The following COL4A6 variants were observed in gnomAD, a reference collection of about 807,000 sequenced individuals.
The protein encoded by COL4A6 is collagen type IV alpha 6 chain.
COL4A6 carries 59 observed loss-of-function variants against 126.7 expected under a neutral mutation model. That is an observed-to-expected ratio of 0.47 (90% CI 0.38 to 0.58). The LOEUF is 0.58. COL4A6 is among the 20% of genes least tolerant of loss of function. The pLI is 0.00. For synonymous variants in COL4A6, 547 were observed against 496.6 expected, an observed-to-expected ratio of 1.10 and a Z score of -1.35; for missense variants, 1,285 against 1,337.3, an observed-to-expected ratio of 0.96 and a Z score of 0.61.
At chrX:108,387,815 C>T (rs2040736979) in intron 2 of COL4A6, among the ~76,000 whole-genome samples, 1 of 111,891 alleles carries the variant, frequency 8.9e-6, no homozygotes. Flanking sequence ...GCAATGCTTC[C>T]AGTTTTTGCC....
intron 23 of COL4A6, 146 bp downstream of exon 23, chrX:108,186,950 T>G (rs1486879093): frequency 6.4e-6 from 3 of 468,676 alleles, no homozygotes; most frequent in Non-Finnish European, 1.0e-5. Context: ...AATACTTTTT[T>G]TCACATGCAA....
chrX:108,179,383 T>TCCAGGGAGC lies in COL4A6; in HGVS notation c.2178_2186dup (p.Leu727_Gly729dup), dbSNP rs1293863192. On this transcript the variant is annotated inframe_insertion, in exon 26 of 45. Transcript: ENST00000334504. ...CAATCATCCCAGGCAAGCCATCTTT[T>TCCAGGGAGC]CCAGGGAGCCCAGGAAACCCAGGCA... 16 of 1,208,633 alleles carry TCCAGGGAGC rather than the reference T, an allele frequency of 1.3e-5. No homozygotes were observed. The highest frequency in any genetic ancestry group is 1.8e-5 in the Non-Finnish European group (16 of 894,476).
chrX:108,178,786 G>A lies in COL4A6; in HGVS notation c.2413C>T (p.Pro805Ser), dbSNP rs1270430908. The change falls in exon 27 of 45, where the codon CCA becomes TCA. Residue 805 changes from proline to serine, a missense_variant. Physicochemically the swap from Pro to Ser is moderately conservative, Grantham distance 74 (BLOSUM62 -1). Transcript: ENST00000334504. ...GTGCCTGGCTGTCCCACCTGTCCTGGTGTCCCAGGGCTGCCCCGCTCACCT... is the reference window on the plus strand; with the variant it reads ...GTGCCTGGCTGTCCCACCTGTCCTGATGTCCCAGGGCTGCCCCGCTCACCT... ...PKGERGSPGT[P>S]GQVGQPGTPG... 7.4e-6 allele frequency: 9 copies of A among 1,210,058 alleles called. No homozygotes were observed. Among genetic ancestry groups the A allele is most frequent in the Non-Finnish European group, 5.6e-6 (5 of 895,231 alleles).
intron 2 of COL4A6, among the ~76,000 whole-genome samples, chrX:108,410,868 C>T (rs1336213277): frequency 9.0e-6 from 1 of 111,681 alleles, no homozygotes; most frequent in Non-Finnish European, 1.9e-5. Context: ...AAATGAGTGA[C>T]AAATGAGTTA....
chrX:108,220,487 C>G (rs531267048), intron 4 of COL4A6, among the ~76,000 whole-genome samples: 1 of 112,187 alleles, frequency 8.9e-6, no homozygotes, highest in African/African-American at 3.2e-5. Flanking sequence ...AGGCAGGGAA[C>G]ATAAACTGAG....
chrX:108,358,984 C>G (rs73526999), intron 2 of COL4A6, among the ~76,000 whole-genome samples: 3 of 110,920 alleles, frequency 2.7e-5, no homozygotes, highest in African/African-American at 9.9e-5. Flanking sequence ...TCCTAGGGAC[C>G]GGATCTGCAC....
intron 43 of COL4A6, 60 bp downstream of exon 43, chrX:108,160,403 T>C (rs1416715122): frequency 1.0e-5 from 11 of 1,074,226 alleles, no homozygotes; most frequent in Non-Finnish European, 1.3e-5. Flanking sequence ...AAGAGAGGGG[T>C]TGGCTGTTGG....
At chrX:108,344,985 T>C (rs1168548144) in intron 2 of COL4A6, among the ~76,000 whole-genome samples, 1 of 112,006 alleles carries the variant, frequency 8.9e-6, no homozygotes, top group East Asian at 2.8e-4. Flanking sequence ...TAATAGTGTC[T>C]CCAGCATGGA....
chrX:108,401,766 C>G (rs2041092913), intron 2 of COL4A6, among the ~76,000 whole-genome samples: 2 of 111,290 alleles, frequency 1.8e-5, no homozygotes, highest in Non-Finnish European at 3.8e-5. Flanking sequence ...ACCTAAAACT[C>G]ACAGCTTATT....
intron 32 of COL4A6, among the ~76,000 whole-genome samples, 188 bp downstream of exon 32, chrX:108,172,281 C>G (rs944739253): frequency 1.0e-5 from 1 of 100,332 alleles, no homozygotes. Flanking sequence ...ACCCGGGAGG[C>G]AGAGGTTGCA....
At chrX:108,225,810 A>G (rs970920211) in intron 3 of COL4A6, among the ~76,000 whole-genome samples, 4 of 112,842 alleles carry the variant, frequency 3.5e-5, no homozygotes, top group African/African-American at 9.7e-5. Flanking sequence ...CTGCCTTTTT[A>G]TACCTCCGTT....
intron 2 of COL4A6, among the ~76,000 whole-genome samples, chrX:108,376,599 T>C (rs2040438977): frequency 9.1e-6 from 1 of 109,331 alleles, no homozygotes; most frequent in Non-Finnish European, 1.9e-5. Flanking sequence ...AGTGAAACTC[T>C]GTCTCAAAAA....
intron 2 of COL4A6, among the ~76,000 whole-genome samples, chrX:108,353,705 C>T (rs1449763296): frequency 9.0e-6 from 1 of 111,700 alleles, no homozygotes; most frequent in African/African-American, 3.3e-5. Context: ...ACAGGAAATG[C>T]AAGATAAGTA....
chrX:108,307,430 C>T (rs1167221456), intron 3 of COL4A6, among the ~76,000 whole-genome samples: 1 of 112,140 alleles, frequency 8.9e-6, no homozygotes, highest in African/African-American at 3.2e-5. Context: ...TAGGTAGGGA[C>T]TTTTACCAGG....
Position 108,170,856 on chromosome X carries a change from A to G in COL4A6, c.3339T>C (p.Asp1113=), listed in dbSNP as rs752668439. Residue 1113 remains aspartate (D), a synonymous_variant, in exon 34 of 45, where the codon GAT becomes GAC. Transcript: ENST00000334504. ...NIGFPGNKGE[D]GKVGVSGDVG... ...CATCTCCAGAAACACCAACTTTTCC[A>G]TCTTCACCTTTGTTTCCAGGGAAGC... 2.5e-6 allele frequency: 3 copies of G among 1,212,362 alleles called. No individual in the cohort carries two copies. The Admixed American group carries it at 6.5e-5, about 26-fold the overall frequency.
At position 108,191,409 on chromosome X, in the gene COL4A6, ACCTGGTGGG is replaced by A. The variant is rs763436503; in HGVS notation, c.1296_1304del (p.Gly438_Pro440del). The stretch of plus-strand genomic sequence containing the variant: ...GTAACTTACTAGGTGGGCCTGGTGG[ACCTGGTGGG>A]CCTGGCAAACCATCTCTGCCAGGGA... On this transcript the variant is annotated inframe_deletion, in exon 19 of 45. Coordinates refer to ENST00000334504, the MANE Select transcript of COL4A6 (RefSeq NM_033641.4). 1.7e-6 allele frequency: 2 copies of A among 1,210,279 alleles called. No individual in the cohort carries two copies. Among genetic ancestry groups the A allele is most frequent in the East Asian group, 5.9e-5 (2 of 33,773 alleles).
chrX:108,320,907 C>A (rs945444766), intron 2 of COL4A6, among the ~76,000 whole-genome samples: 2 of 111,643 alleles, frequency 1.8e-5, no homozygotes, highest in Non-Finnish European at 3.8e-5. Context: ...GACACGTATG[C>A]AACATTACAA....
At chrX:108,189,130 C>T (rs945889701) in intron 20 of COL4A6, among the ~76,000 whole-genome samples, 6 of 112,374 alleles carry the variant, frequency 5.3e-5, no homozygotes, top group Non-Finnish European at 1.1e-4. Context: ...GCACTATGTT[C>T]TAACTCCCTA....
At chrX:108,365,475 A>G (rs1046596051) in intron 2 of COL4A6, among the ~76,000 whole-genome samples, 1 of 111,938 alleles carries the variant, frequency 8.9e-6, no homozygotes, top group African/African-American at 3.2e-5. Flanking sequence ...TAAACACAGA[A>G]GACCCATAAT....
Sources: allele counts gnomAD v4.1 joint callset (sites outside exome capture counted in the v4.1 genomes callset), GRCh38; gene constraint gnomAD v4.1.1; transcripts MANE v1.5; gene names NCBI Gene and HGNC (gene_info 2026-07-23, HGNC 2026-07-21).